HDDC2: variants seen among roughly 807,000 people sequenced by gnomAD.
The protein encoded by HDDC2 is HD domain containing 2, also known as 5'-deoxynucleotidase HDDC2.
A neutral mutation model predicts 25.5 loss-of-function variants in HDDC2; 25 were observed. The observed-to-expected ratio is 0.98, with a 90% CI of 0.72 to 1.37. HDDC2 has a LOEUF of 1.37. Among genes scored for constraint, HDDC2 ranks in the 40% most tolerant of loss-of-function variants. HDDC2 has a pLI of 0.00. For synonymous variants in HDDC2, 106 were observed against 89.7 expected (o/e 1.18, Z -1.03); for missense variants, 264 against 253.1 (o/e 1.04, Z -0.29).
At chr6:125,296,764 A>G (rs1008000822) in intron 3 of HDDC2, among the ~76,000 whole-genome samples, 1 of 152,220 alleles carries the variant, frequency 6.6e-6, no homozygotes, top group Non-Finnish European at 1.5e-5. Context: ...GCCAGGATAT[A>G]GCATCCTAGA....
intron 2 of HDDC2, 49 bp from the exon 3 acceptor site, chr6:125,298,865 C>G: frequency 1.6e-6 from 2 of 1,287,456 alleles, no homozygotes; most frequent in Non-Finnish European, 2.3e-6. Context: ...ATATTTACTA[C>G]AAGTTCCTTC....
chr6:125,280,645 C>A (rs981278667), intron 4 of HDDC2, among the ~76,000 whole-genome samples: 4 of 152,210 alleles, frequency 2.6e-5, no homozygotes, highest in South Asian at 2.1e-4. Context: ...GCAAAGCCGC[C>A]GTAGCAAGAC....
chr6:125,280,399 C>A (rs1798439774), intron 4 of HDDC2, among the ~76,000 whole-genome samples: 1 of 152,186 alleles, frequency 6.6e-6, no homozygotes, highest in Non-Finnish European at 1.5e-5. Context: ...ACTGTTCACT[C>A]CCCTAGAAAG....
intron 4 of HDDC2, among the ~76,000 whole-genome samples, chr6:125,288,473 C>T (rs1282578522): frequency 6.6e-6 from 1 of 152,010 alleles, no homozygotes; most frequent in Non-Finnish European, 1.5e-5. Flanking sequence ...AACAGAGGGA[C>T]AAGGAGTCCA....
chr6:125,280,956 T>G (rs367928313), intron 4 of HDDC2, among the ~76,000 whole-genome samples: 1 of 152,190 alleles, frequency 6.6e-6, no homozygotes, highest in Non-Finnish European at 1.5e-5. Flanking sequence ...ACAGGAGAGC[T>G]CTGGCTAGCA....
chr6:125,301,121 G>C (rs1798795138), intron 1 of HDDC2, among the ~76,000 whole-genome samples: 1 of 152,152 alleles, frequency 6.6e-6, no homozygotes, highest in South Asian at 2.1e-4. Context: ...GCTACCAGCC[G>C]TGACTCTTCC....
chr6:125,301,660 G>C (rs1180520070), intron 1 of HDDC2, among the ~76,000 whole-genome samples, 189 bp downstream of exon 1: 3 of 152,166 alleles, frequency 2.0e-5, no homozygotes, highest in Non-Finnish European at 4.4e-5. Flanking sequence ...CTGTCCCGCC[G>C]GCTGCTTCCT....
intron 4 of HDDC2, among the ~76,000 whole-genome samples, chr6:125,291,886 T>C (rs1798636228): frequency 6.6e-6 from 1 of 152,150 alleles, no homozygotes; most frequent in Non-Finnish European, 1.5e-5. Flanking sequence ...ATGGCATTTC[T>C]AGAAGGAGTT....
chr6:125,277,863 G>A (rs1798394677), intron 4 of HDDC2: 2 of 152,232 alleles, frequency 1.3e-5, no homozygotes, highest in African/African-American at 2.4e-5. Flanking sequence ...GGTGAATGTG[G>A]TGGGGGGAGC....
chr6:125,289,617 C>G (rs1482349330), intron 4 of HDDC2, among the ~76,000 whole-genome samples: 2 of 152,138 alleles, frequency 1.3e-5, no homozygotes, highest in Non-Finnish European at 2.9e-5. Context: ...CTTCCCCTCT[C>G]CAACCTCCTA....
intron 4 of HDDC2, among the ~76,000 whole-genome samples, chr6:125,288,665 G>A (rs902676190): frequency 7.3e-5 from 11 of 150,716 alleles, no homozygotes; most frequent in Non-Finnish European, 1.5e-4. Flanking sequence ...CAAAAAGTGG[G>A]CGAAGGACAT....
intron 4 of HDDC2, among the ~76,000 whole-genome samples, chr6:125,285,369 T>C (rs1223744544): frequency 2.6e-5 from 4 of 151,304 alleles, no homozygotes; most frequent in African/African-American, 9.7e-5. Flanking sequence ...AACAGTGAAA[T>C]GTAAGATAAA....
chr6:125,300,454 T>C, intron 2 of HDDC2, 84 bp downstream of exon 2: 1 of 1,485,886 alleles, frequency 6.7e-7, no homozygotes, highest in Non-Finnish European at 9.0e-7. Context: ...CCTACAAGGA[T>C]TTGACATGGG....
Position 125,300,655 on chromosome 6 carries a change from ACT to A in HDDC2, c.87_88del (p.Arg29SerfsTer34), listed in dbSNP as rs1236389893. ...TCTGTATACCCAGCCAGTTCGTGGG[ACT>A]CTCTGATAAATATGAAGAAGAAAAA... On this transcript the variant is annotated frameshift_variant and splice_region_variant, in exon 2 of 6. Coordinates refer to ENST00000398153, the MANE Select transcript of HDDC2 (RefSeq NM_016063.3). LOFTEE classifies it high-confidence loss of function. 2 of 1,611,208 alleles carry A rather than the reference ACT, an allele frequency of 1.2e-6. No homozygotes were observed. The highest frequency in any genetic ancestry group is 1.7e-4 in the Middle Eastern group (1 of 6,040).
chr6:125,297,453 G>C lies in HDDC2; in HGVS notation c.309+1261C>G, dbSNP rs527515393. 2.3e-4 allele frequency: 92 copies of C among 397,600 alleles called. No individual in the cohort carries two copies. The South Asian group carries it at 0.011, about 49-fold the overall frequency. The allele number at this position is 397,600 out of a possible 1,614,324, so 24.6% of individuals were successfully genotyped here. ...TTGGGTAGGTTGGAACTCTTAAACT[G>C]GGACTCTCGTTCCTTGTGGCTCTTC... On this transcript the variant is annotated intron_variant, in intron 3 of 5. Coordinates refer to ENST00000398153, the MANE Select transcript of HDDC2 (RefSeq NM_016063.3).
At position 125,296,845 on chromosome 6, in the gene HDDC2, T is replaced by C. The variant is rs145072984; in HGVS notation, c.309+1869A>G. ...TCCATGGGGTGTCACCAGCCAGGAC[T>C]CAGCTCTTGTAGGGACAGTCGTAGG... On this transcript the variant is annotated intron_variant, in intron 3 of 5. Coordinates refer to ENST00000398153, the MANE Select transcript of HDDC2 (RefSeq NM_016063.3). 1.9e-3 allele frequency among the ~76,000 whole-genome samples: 283 copies of C among 152,328 alleles called. 3 individuals are homozygous for C. Among genetic ancestry groups the C allele is most frequent in the African/African-American group, 6.3e-3 (263 of 41,584 alleles).
At chr6:125,297,856 G>T (rs866566651) in intron 3 of HDDC2, among the ~76,000 whole-genome samples, 1 of 152,178 alleles carries the variant, frequency 6.6e-6, no homozygotes, top group African/African-American at 2.4e-5. Flanking sequence ...TTTGGGTTTA[G>T]AGTCCAAACT....
chr6:125,285,600 T>C (rs939737689), intron 4 of HDDC2, among the ~76,000 whole-genome samples: 1 of 151,422 alleles, frequency 6.6e-6, no homozygotes, highest in African/African-American at 2.4e-5. Context: ...GAAAAAAGAA[T>C]AGCAAAGCAA....
chr6:125,293,412 C>T (rs1317441053), intron 3 of HDDC2, among the ~76,000 whole-genome samples: 3 of 152,144 alleles, frequency 2.0e-5, no homozygotes, highest in Admixed American at 6.5e-5. Flanking sequence ...TACAAATGAG[C>T]GATTATTGCC....
Sources: allele counts gnomAD v4.1 joint callset (sites outside exome capture counted in the v4.1 genomes callset), GRCh38; gene constraint gnomAD v4.1.1; transcripts MANE v1.5; gene names NCBI Gene and HGNC (gene_info 2026-07-23, HGNC 2026-07-21).